The following PPP1R12A variants were observed in gnomAD, a reference collection of about 807,000 sequenced individuals.
PPP1R12A encodes the protein protein phosphatase 1 regulatory subunit 12A, also known as myosin binding subunit.
PPP1R12A carries 19 observed loss-of-function variants against 139.6 expected under a neutral mutation model. The observed-to-expected ratio is 0.14, with a 90% confidence interval of 0.09 to 0.20. The LOEUF is 0.20. Ranked by LOEUF, PPP1R12A falls within the 10% of genes least tolerant of loss-of-function variation. The probability of loss-of-function intolerance (pLI) is 1.00; values close to 1 mark genes in which losing one functional copy is unlikely to be tolerated. For missense variants in PPP1R12A, 925 were observed against 1,211.5 expected, an observed-to-expected ratio of 0.76 and a Z score of 3.51; for synonymous variants, 427 against 420.6, an observed-to-expected ratio of 1.02 and a Z score of -0.19.
At chr12:79,884,229 C>G (rs369370450) in intron 1 of PPP1R12A, among the ~76,000 whole-genome samples, 32 of 152,190 alleles carry the variant, frequency 2.1e-4, no homozygotes, top group African/African-American at 7.5e-4. Flanking sequence ...ATTACACTGG[C>G]TCTTTGAAAG....
Position 79,776,163 on chromosome 12 carries a change from G to A in PPP1R12A, c.3007-148C>T, listed in dbSNP as rs547855156. On this transcript the variant is annotated intron_variant, in intron 24 of 24. Coordinates refer to ENST00000450142, the MANE Select transcript of PPP1R12A (RefSeq NM_002480.3). Reference sequence around the variant, plus strand: ...TTCTAGTATCTAAAACATGTATCAGGAAGAAGGAAAAAAACCACACCTGGA... The same window carrying A: ...TTCTAGTATCTAAAACATGTATCAGAAAGAAGGAAAAAAACCACACCTGGA... 9 of 478,386 alleles carry A rather than the reference G, an allele frequency of 1.9e-5. No individual in the cohort carries two copies. The South Asian group carries it at 4.4e-4, about 23-fold the overall frequency. The allele number at this position is 478,386 out of a possible 1,614,324, so 29.6% of individuals were successfully genotyped here.
Position 79,807,292 on chromosome 12 carries a change from CT to C in PPP1R12A, c.1588del (p.Arg530GlyfsTer33). The C allele has an allele frequency of 6.4e-7, 1 of 1,555,842 alleles. No homozygotes were observed. The highest frequency in any genetic ancestry group is 1.2e-5 in the South Asian group (1 of 84,624). ...TTTAAGATCATCTTCCCATTTTCTC[CT>C]TGTATATGAACTACTTGTTCGCAAA... ...SSLRTSSSYTRRKWEDDLKKN... is the reference protein window; with the variant it reads ...SSLRTSSSYTXRKWEDDLKKN... On this transcript the variant is annotated frameshift_variant, in exon 12 of 25. Coordinates refer to ENST00000450142, the MANE Select transcript of PPP1R12A (RefSeq NM_002480.3). LOFTEE classifies it high-confidence loss of function.
intron 1 of PPP1R12A, among the ~76,000 whole-genome samples, chr12:79,919,070 C>T (rs1169829938): frequency 6.6e-6 from 1 of 151,858 alleles, no homozygotes; most frequent in Non-Finnish European, 1.5e-5. Flanking sequence ...GAGCTGAGAT[C>T]ACGCCACTGT....
chr12:79,842,379 A>G (rs1035501872), intron 3 of PPP1R12A, among the ~76,000 whole-genome samples: 4 of 152,218 alleles, frequency 2.6e-5, no homozygotes, highest in African/African-American at 9.6e-5. Context: ...ATCTCCTTTC[A>G]TGGAATTTAT....
chr12:79,838,833 A>G (rs1488452621), intron 3 of PPP1R12A, among the ~76,000 whole-genome samples: 1 of 152,244 alleles, frequency 6.6e-6, no homozygotes, highest in East Asian at 1.9e-4. Flanking sequence ...GCCCTCATGG[A>G]GAACTTCTGC....
intron 23 of PPP1R12A, chr12:79,779,601 T>C (rs916043258): frequency 1.2e-5 from 4 of 331,994 alleles, no homozygotes; most frequent in African/African-American, 4.3e-5. Context: ...TTTCAATACA[T>C]AGATCTTTCT....
chr12:79,815,861 T>C (rs1875305997), intron 9 of PPP1R12A, among the ~76,000 whole-genome samples: 1 of 152,212 alleles, frequency 6.6e-6, no homozygotes, highest in South Asian at 2.1e-4. Flanking sequence ...AGATAAGTCA[T>C]TCATAGTTTC....
chr12:79,872,496 C>A (rs956234653), intron 2 of PPP1R12A, among the ~76,000 whole-genome samples: 2 of 152,006 alleles, frequency 1.3e-5, no homozygotes, highest in Admixed American at 6.6e-5. Flanking sequence ...AGTTAGACTG[C>A]TAAGTATTAA....
chr12:79,797,005 T>C (rs1340112685), intron 16 of PPP1R12A, 55 bp from the exon 17 acceptor site: 6 of 1,496,460 alleles, frequency 4.0e-6, no homozygotes, highest in African/African-American at 1.4e-5. Flanking sequence ...ATTAAAAACA[T>C]AAAAATACTT....
intron 5 of PPP1R12A, among the ~76,000 whole-genome samples, chr12:79,823,610 T>A (rs956217339): frequency 1.9e-5 from 2 of 106,754 alleles, no homozygotes; most frequent in Non-Finnish European, 2.0e-5. Flanking sequence ...TTTTTTTTTT[T>A]AAAGATAGGA....
At chr12:79,786,587 C>T in intron 21 of PPP1R12A, 109 bp from the exon 22 acceptor site, 1 of 639,446 alleles carries the variant, frequency 1.6e-6, no homozygotes, top group Non-Finnish European at 2.5e-6. Context: ...AGCATATGAG[C>T]TATAAAGGAT....
At chr12:79,880,039 C>G (rs1278115113) in intron 1 of PPP1R12A, among the ~76,000 whole-genome samples, 1 of 152,122 alleles carries the variant, frequency 6.6e-6, no homozygotes, top group East Asian at 1.9e-4. Flanking sequence ...CCCAAGAATT[C>G]TAGCATATTC....
chr12:79,862,473 A>C (rs1393117045), intron 2 of PPP1R12A, among the ~76,000 whole-genome samples: 4 of 152,204 alleles, frequency 2.6e-5, no homozygotes, highest in Non-Finnish European at 5.9e-5. Flanking sequence ...TGAGTTCGAC[A>C]AAGTGACAGA....
intron 2 of PPP1R12A, among the ~76,000 whole-genome samples, chr12:79,846,596 ATTT>A (rs74933339): frequency 4.7e-5 from 6 of 127,706 alleles, no homozygotes; most frequent in Admixed American, 7.7e-5. Flanking sequence ...CGCGTGGCTC[ATTT>A]TTTTTTTTTT....
In PPP1R12A at chr12:79,850,931, C is replaced by T. The variant is rs75720355; in HGVS notation, c.369-5511G>A. On this transcript the variant is annotated intron_variant, in intron 2 of 24. Transcript: ENST00000450142. ...TCCTGAGGCTTCCCCTGCCATGCTT[C>T]CTGTACAGCCTATGGAACTGTGAGT... Among the ~76,000 whole-genome samples, 846 of 152,308 alleles carry T rather than the reference C, an allele frequency of 5.6e-3. 6 individuals are homozygous for T. The highest frequency in any genetic ancestry group is 8.2e-3 in the Non-Finnish European group (558 of 68,036).
chr12:79,916,872 A>G (rs562863019), intron 1 of PPP1R12A, among the ~76,000 whole-genome samples: 1 of 151,928 alleles, frequency 6.6e-6, no homozygotes, highest in African/African-American at 2.4e-5. Context: ...GGGAATAGCC[A>G]TTTAGGCATT....
At chr12:79,909,282 T>C (rs1886368511) in intron 1 of PPP1R12A, among the ~76,000 whole-genome samples, 1 of 152,218 alleles carries the variant, frequency 6.6e-6, no homozygotes, top group African/African-American at 2.4e-5. Context: ...ATGTCTGTTA[T>C]ATCCTTAAAT....
intron 1 of PPP1R12A, among the ~76,000 whole-genome samples, chr12:79,887,243 T>C (rs890392059): frequency 6.6e-6 from 1 of 152,178 alleles, no homozygotes; most frequent in Non-Finnish European, 1.5e-5. Context: ...TATGTATACA[T>C]AAAACTGTAT....
intron 20 of PPP1R12A, among the ~76,000 whole-genome samples, chr12:79,789,304 A>G (rs578025455): frequency 6.8e-4 from 104 of 152,160 alleles, no homozygotes; most frequent in African/African-American, 2.5e-3. Flanking sequence ...AAAAGCCAAA[A>G]CTGGTTTCAT....
Sources: allele counts gnomAD v4.1 joint callset (sites outside exome capture counted in the v4.1 genomes callset), GRCh38; gene constraint gnomAD v4.1.1; transcripts MANE v1.5; gene names NCBI Gene and HGNC (gene_info 2026-07-23, HGNC 2026-07-21).